The following ABCC4 variants were observed in gnomAD, a reference collection of about 807,000 sequenced individuals.
The protein encoded by ABCC4 is ATP binding cassette subfamily C member 4 (PEL blood group), also known as ATP-binding cassette sub-family C member 4.
In ABCC4, 102 loss-of-function variants were observed where a neutral mutation model predicts 168.5. The ratio of observed to expected loss-of-function variants is 0.61; its 90% CI spans 0.52 to 0.71. ABCC4 has a LOEUF of 0.71. Ranked by LOEUF, ABCC4 falls within the 30% of genes least tolerant of loss-of-function variation. ABCC4 has a pLI of 0.00. For synonymous variants in ABCC4, 617 were observed against 590.7 expected, an observed-to-expected ratio of 1.04 and a Z score of -0.65; for missense variants, 1,402 against 1,605.8, an observed-to-expected ratio of 0.87 and a Z score of 2.17.
intron 19 of ABCC4, among the ~76,000 whole-genome samples, chr13:95,156,199 G>A (rs1398534539): frequency 6.6e-6 from 1 of 152,066 alleles, no homozygotes; most frequent in African/African-American, 2.4e-5. Context: ...GACAACATCA[G>A]AAAAATATCT....
intron 30 of ABCC4, among the ~76,000 whole-genome samples, chr13:95,027,034 A>G (rs1376422307): frequency 6.6e-6 from 1 of 152,214 alleles, no homozygotes; most frequent in African/African-American, 2.4e-5. Flanking sequence ...GTGTGACCCA[A>G]TAATTTTATA....
intron 13 of ABCC4, among the ~76,000 whole-genome samples, chr13:95,172,540 TG>T (rs1458789845): frequency 7.0e-6 from 1 of 142,702 alleles, no homozygotes; most frequent in Non-Finnish European, 1.5e-5. Context: ...CACTCCAGCC[TG>T]GGCAACAGAG....
At chr13:95,029,988 T>TCCATCCATCCATCC (rs1555302416) in intron 30 of ABCC4, among the ~76,000 whole-genome samples, 1 of 146,326 alleles carries the variant, frequency 6.8e-6, no homozygotes, top group Non-Finnish European at 1.5e-5. Flanking sequence ...CTTGTCTATC[T>TCCATCCATCCATCC]ATCCATCCAT....
At chr13:95,029,988 T>TATCTATCTATCCATCC (rs1555302414) in intron 30 of ABCC4, among the ~76,000 whole-genome samples, 17 of 146,442 alleles carry the variant, frequency 1.2e-4, no homozygotes, top group Admixed American at 6.2e-4. Flanking sequence ...CTTGTCTATC[T>TATCTATCTATCCATCC]ATCCATCCAT....
intron 19 of ABCC4, among the ~76,000 whole-genome samples, chr13:95,128,862 G>A (rs1355594249): frequency 1.3e-5 from 2 of 152,140 alleles, no homozygotes; most frequent in African/African-American, 2.4e-5. Flanking sequence ...AAGTTTGGCT[G>A]ATAATTCCCA....
chr13:95,250,672 T>C (rs1031457912), intron 1 of ABCC4, among the ~76,000 whole-genome samples: 1 of 151,570 alleles, frequency 6.6e-6, no homozygotes, highest in African/African-American at 2.4e-5. Flanking sequence ...TAGTAGAGAG[T>C]TTTGTTATTT....
intron 6 of ABCC4, among the ~76,000 whole-genome samples, chr13:95,208,464 A>G (rs1213406816): frequency 6.6e-6 from 1 of 152,154 alleles, no homozygotes; most frequent in South Asian, 2.1e-4. Flanking sequence ...AAAAGCATAA[A>G]ACAAAGAACT....
intron 14 of ABCC4, among the ~76,000 whole-genome samples, chr13:95,167,930 G>A (rs565569637): frequency 6.6e-6 from 1 of 152,088 alleles, no homozygotes; most frequent in Non-Finnish European, 1.5e-5. Context: ...GCAATGGCGC[G>A]ATCTCGGCTC....
intron 30 of ABCC4, among the ~76,000 whole-genome samples, chr13:95,023,250 G>A (rs1459276613): frequency 6.6e-6 from 1 of 152,098 alleles, no homozygotes; most frequent in Non-Finnish European, 1.5e-5. Context: ...GTTGTTATTA[G>A]CAACTTTAAA....
intron 9 of ABCC4, among the ~76,000 whole-genome samples, chr13:95,192,783 G>A (rs1166052390): frequency 6.6e-6 from 1 of 152,144 alleles, no homozygotes; most frequent in Non-Finnish European, 1.5e-5. Context: ...GCCAGGCATG[G>A]TGGGGCGTGC....
chr13:95,055,520 T>A (rs1319036345), intron 26 of ABCC4: 3 of 152,188 alleles, frequency 2.0e-5, no homozygotes, highest in African/African-American at 7.2e-5. Flanking sequence ...GTCATACTTT[T>A]TAAAAATCTT....
At chr13:95,249,005 C>T (rs1197862003) in intron 1 of ABCC4, among the ~76,000 whole-genome samples, 5 of 152,034 alleles carry the variant, frequency 3.3e-5, no homozygotes, top group Non-Finnish European at 7.4e-5. Flanking sequence ...GATGCCACTG[C>T]ACTCCAGTCT....
At position 95,207,895 on chromosome 13, in the gene ABCC4, C is replaced by T; in HGVS notation, c.816G>A (p.Arg272=). Reference sequence around the variant, plus strand: ...TTATAACTTCATTCATGGTCCTGATCCTGGCATCCGTGAAAGTTGCAGTTT... The same window carrying T: ...TTATAACTTCATTCATGGTCCTGATTCTGGCATCCGTGAAAGTTGCAGTTT... ...RSKTATFTDA[R]IRTMNEVITG... is the part of the protein sequence containing the mutation. The change falls in exon 7 of 31, where the codon AGG becomes AGA. Residue 272 remains arginine, a synonymous_variant. Transcript: ENST00000645237. The T allele has an allele frequency of 1.2e-6, 2 of 1,613,708 alleles. No homozygotes were observed. The highest frequency in any genetic ancestry group is 1.7e-6 in the Non-Finnish European group (2 of 1,179,942).
chr13:95,299,764 A>T (rs2041627914), intron 1 of ABCC4, among the ~76,000 whole-genome samples: 1 of 152,062 alleles, frequency 6.6e-6, no homozygotes, highest in Non-Finnish European at 1.5e-5. Context: ...GAAACAGAAG[A>T]TCTAATAATC....
At chr13:95,245,923 C>T (rs891673514) in intron 3 of ABCC4, among the ~76,000 whole-genome samples, 3 of 146,600 alleles carry the variant, frequency 2.0e-5, no homozygotes, top group South Asian at 2.2e-4. Context: ...TGACAACTCC[C>T]CATCCTGCAT....
At chr13:95,213,674 T>A (rs1303169323) in intron 4 of ABCC4, among the ~76,000 whole-genome samples, 1 of 152,146 alleles carries the variant, frequency 6.6e-6, no homozygotes, top group Non-Finnish European at 1.5e-5. Context: ...TATGTCTTAG[T>A]AATAAAGATC....
chr13:95,174,647 A>C (rs1481488457), intron 13 of ABCC4, among the ~76,000 whole-genome samples: 4 of 152,266 alleles, frequency 2.6e-5, no homozygotes, highest in African/African-American at 9.6e-5. Context: ...ACTGATACTC[A>C]GCAATGAAAA....
At chr13:95,104,355 C>G (rs979817620) in intron 20 of ABCC4, among the ~76,000 whole-genome samples, 18 of 152,328 alleles carry the variant, frequency 1.2e-4, no homozygotes, top group African/African-American at 4.3e-4. Context: ...CTCAAGTGAT[C>G]TGCCCTCCTC....
At position 95,082,282 on chromosome 13, in the gene ABCC4, CA is replaced by C. The variant is rs1346601781; in HGVS notation, c.2686+857del. Among the ~76,000 whole-genome samples, 16 of 152,218 alleles carry C rather than the reference CA, an allele frequency of 1.1e-4. 1 individual carries two copies. Among genetic ancestry groups the C allele is most frequent in the Admixed American group, 9.2e-4 (14 of 15,278 alleles). On this transcript the variant is annotated intron_variant, in intron 21 of 30. Coordinates refer to ENST00000645237, the MANE Select transcript of ABCC4 (RefSeq NM_005845.5). ...ACTCTCCTTATGAGTTTGTGTTTAA[CA>C]ATGATGAAATATGTTAATTTGTGCA...
Sources: gnomAD v4.1 joint callset for allele counts (sites outside exome capture counted in the v4.1 genomes callset) on GRCh38, gnomAD v4.1.1 for gene constraint, MANE v1.5 for transcripts, NCBI Gene and HGNC (gene_info 2026-07-23, HGNC 2026-07-21) for gene names.